The following CSMD1 variants were observed in gnomAD, a reference collection of about 807,000 sequenced individuals.
The protein encoded by CSMD1 is CUB and Sushi multiple domains 1.
In CSMD1, 213 loss-of-function variants were observed where a neutral mutation model predicts 417.5. That is an observed-to-expected ratio of 0.51 (90% CI 0.46 to 0.57). The LOEUF (loss-of-function observed/expected upper bound fraction) is 0.57. Among genes scored for constraint, CSMD1 ranks in the 20% least tolerant of loss-of-function variants. CSMD1 has a pLI of 0.00. For missense variants in CSMD1, 6,923 were observed against 4,529.7 expected (o/e 1.53, Z -15.17); for synonymous variants, 2,862 against 1,736.8 (o/e 1.65, Z -16.11).
intron 2 of CSMD1, among the ~76,000 whole-genome samples, chr8:4,635,576 G>C (rs1353065312): frequency 2.0e-5 from 3 of 151,978 alleles, no homozygotes; most frequent in Admixed American, 2.0e-4. Flanking sequence ...TTAATGGAAA[G>C]GTAAAGTCAT....
chr8:3,248,166 C>T (rs557152061), intron 26 of CSMD1, among the ~76,000 whole-genome samples: 1 of 152,090 alleles, frequency 6.6e-6, no homozygotes, highest in South Asian at 2.1e-4. Flanking sequence ...AGCGGTGTGA[C>T]AAACAGAAAT....
chr8:4,065,615 T>C (rs1048721708), intron 3 of CSMD1, among the ~76,000 whole-genome samples: 10 of 152,150 alleles, frequency 6.6e-5, no homozygotes, highest in Non-Finnish European at 8.8e-5. Flanking sequence ...AGGAGACTCA[T>C]GAATGAAGCT....
intron 3 of CSMD1, among the ~76,000 whole-genome samples, chr8:4,195,901 C>A (rs1233140647): frequency 6.6e-6 from 1 of 151,994 alleles, no homozygotes; most frequent in African/African-American, 2.4e-5. Flanking sequence ...CAGTCCCACC[C>A]CGAGAAAACT....
At chr8:3,547,644 G>T (rs1277600124) in intron 10 of CSMD1, among the ~76,000 whole-genome samples, 1 of 152,122 alleles carries the variant, frequency 6.6e-6, no homozygotes, top group Non-Finnish European at 1.5e-5. Context: ...AAGTGGGTTT[G>T]TAAGTAATAT....
intron 3 of CSMD1, among the ~76,000 whole-genome samples, chr8:4,321,658 A>G (rs1274011670): frequency 6.6e-6 from 1 of 152,212 alleles, no homozygotes; most frequent in Non-Finnish European, 1.5e-5. Context: ...AGTGGTAAAG[A>G]TAAAAGAGCT....
At chr8:4,708,021 G>A (rs900022386) in intron 1 of CSMD1, among the ~76,000 whole-genome samples, 2 of 151,696 alleles carry the variant, frequency 1.3e-5, no homozygotes, top group Non-Finnish European at 2.9e-5. Context: ...ATAGCTCACT[G>A]CAGCCTCAAA....
At chr8:3,386,481 G>A (rs1000548622) in intron 18 of CSMD1, among the ~76,000 whole-genome samples, 25 of 152,204 alleles carry the variant, frequency 1.6e-4, no homozygotes, top group Non-Finnish European at 2.6e-4. Flanking sequence ...GCCAGTTACT[G>A]TGTGGGTTCG....
intron 1 of CSMD1, among the ~76,000 whole-genome samples, chr8:4,739,679 C>A (rs1256519053): frequency 6.6e-6 from 1 of 152,160 alleles, no homozygotes; most frequent in Non-Finnish European, 1.5e-5. Flanking sequence ...TTGTGTCTAT[C>A]ACTTTTTGTC....
At chr8:3,634,620 C>G (rs1428646368) in intron 7 of CSMD1, among the ~76,000 whole-genome samples, 1 of 152,142 alleles carries the variant, frequency 6.6e-6, no homozygotes. Flanking sequence ...GTGCAGCCTT[C>G]TATCAAATTA....
intron 3 of CSMD1, among the ~76,000 whole-genome samples, chr8:4,383,688 AGT>A (rs1057382873): frequency 2.6e-5 from 4 of 152,180 alleles, no homozygotes; most frequent in African/African-American, 7.2e-5. Flanking sequence ...AAAATATTAC[AGT>A]GTGGGAAACC....
intron 8 of CSMD1, among the ~76,000 whole-genome samples, chr8:3,609,820 T>TC (rs1449173845): frequency 7.6e-6 from 1 of 131,188 alleles, no homozygotes; most frequent in Non-Finnish European, 1.6e-5. Context: ...CCTTTTTTTT[T>TC]TTTTTTTTTT....
chr8:4,281,863 A>G (rs1796802905), intron 3 of CSMD1, among the ~76,000 whole-genome samples: 1 of 152,218 alleles, frequency 6.6e-6, no homozygotes, highest in Non-Finnish European at 1.5e-5. Flanking sequence ...ACATGCATTA[A>G]AAAAATGTTT....
At chr8:4,578,982 T>C (rs956806562) in intron 2 of CSMD1, among the ~76,000 whole-genome samples, 9 of 152,012 alleles carry the variant, frequency 5.9e-5, no homozygotes, top group African/African-American at 2.2e-4. Context: ...ACAGCATCTT[T>C]TCATTAATTA....
chr8:3,087,641 A>G (rs1202608943), intron 48 of CSMD1, among the ~76,000 whole-genome samples: 1 of 152,242 alleles, frequency 6.6e-6, no homozygotes, highest in Non-Finnish European at 1.5e-5. Context: ...ATAGCTAAGG[A>G]GCTATAAAAG....
chr8:3,217,314 C>G (rs964899872), intron 29 of CSMD1, among the ~76,000 whole-genome samples: 1 of 152,204 alleles, frequency 6.6e-6, no homozygotes, highest in African/African-American at 2.4e-5. Flanking sequence ...GAACTACAGC[C>G]TCCAGTTAGA....
intron 1 of CSMD1, among the ~76,000 whole-genome samples, chr8:4,832,492 G>A (rs1484676931): frequency 6.6e-6 from 1 of 152,132 alleles, no homozygotes; most frequent in Non-Finnish European, 1.5e-5. Context: ...TAAGTAAGGG[G>A]ACTTCTCTAG....
chr8:3,313,137 TAAATGTTAGACCTA>T (rs1805481196), intron 23 of CSMD1, among the ~76,000 whole-genome samples: 1 of 152,198 alleles, frequency 6.6e-6, no homozygotes, highest in South Asian at 2.1e-4. Context: ...ATTAAAGACT[TAAATGTTAGACCTA>T]AAACCATAAA....
intron 3 of CSMD1, among the ~76,000 whole-genome samples, chr8:4,171,699 C>A (rs1427600342): frequency 6.7e-6 from 1 of 149,336 alleles, no homozygotes; most frequent in Non-Finnish European, 1.5e-5. Context: ...AGTTAATTTG[C>A]TTATTCTGAT....
intron 7 of CSMD1, among the ~76,000 whole-genome samples, chr8:3,620,721 T>C (rs1339869003): frequency 6.6e-6 from 1 of 151,978 alleles, no homozygotes; most frequent in African/African-American, 2.4e-5. Flanking sequence ...CAACTAAACA[T>C]AGAGGATAAC....
Sources: gnomAD v4.1 joint callset for allele counts (sites outside exome capture counted in the v4.1 genomes callset) on GRCh38, gnomAD v4.1.1 for gene constraint, MANE v1.5 for transcripts, NCBI Gene and HGNC (gene_info 2026-07-23, HGNC 2026-07-21) for gene names.